The following RTTN variants were observed in gnomAD, a reference collection of about 807,000 sequenced individuals.
RTTN encodes rotatin.
In RTTN, 182 loss-of-function variants were observed where a neutral mutation model predicts 269.2. The ratio of observed to expected loss-of-function variants is 0.68; its 90% CI spans 0.60 to 0.76. The LOEUF is 0.76. RTTN is among the 30% of genes least tolerant of loss of function. RTTN has a pLI of 0.00. For synonymous variants in RTTN, 1,006 were observed against 963.5 expected (o/e 1.04, Z -0.82); for missense variants, 2,545 against 2,608.6 (o/e 0.98, Z 0.53).
At chr18:70,044,012 T>A (rs1171101515) in intron 40 of RTTN, among the ~76,000 whole-genome samples, 1 of 152,242 alleles carries the variant, frequency 6.6e-6, no homozygotes, top group Non-Finnish European at 1.5e-5. Flanking sequence ...AGACATAATG[T>A]CTTTTCATCA....
chr18:70,136,554 A>G (rs917988665), intron 21 of RTTN, among the ~76,000 whole-genome samples: 1 of 152,024 alleles, frequency 6.6e-6, no homozygotes, highest in African/African-American at 2.4e-5. Context: ...CAGGAAAATA[A>G]GTAATCCATA....
chr18:70,205,594 G>A (rs2062059596), intron 1 of RTTN, 34 bp downstream of exon 1: 2 of 1,613,714 alleles, frequency 1.2e-6, no homozygotes, highest in East Asian at 2.2e-5. Flanking sequence ...AGAGCGCGGG[G>A]GGTGCCTTGG....
At chr18:70,179,739 G>A (rs1167441780) in intron 10 of RTTN, among the ~76,000 whole-genome samples, 1 of 152,158 alleles carries the variant, frequency 6.6e-6, no homozygotes, top group Non-Finnish European at 1.5e-5. Context: ...CACTACCTCT[G>A]CAATATACAA....
chr18:70,177,320 A>C (rs1568519235), intron 10 of RTTN, among the ~76,000 whole-genome samples: 1 of 152,218 alleles, frequency 6.6e-6, no homozygotes, highest in Non-Finnish European at 1.5e-5. Flanking sequence ...CAACATTTCT[A>C]AAGAAATGCA....
At chr18:70,188,335 C>G (rs533122589) in intron 9 of RTTN, 112 bp from the exon 10 acceptor site, 21 of 636,542 alleles carry the variant, frequency 3.3e-5, no homozygotes, top group South Asian at 1.8e-4. Context: ...AACATTTTCT[C>G]TTTTTTTCTA....
At chr18:70,021,823 T>C (rs1215955880) in intron 44 of RTTN, among the ~76,000 whole-genome samples, 2 of 152,128 alleles carry the variant, frequency 1.3e-5, no homozygotes, top group Non-Finnish European at 2.9e-5. Flanking sequence ...ATCATCAGCA[T>C]CTGGCAGATT....
rs754561463 is a variant in RTTN, at chr18:70,017,642, T to C, written c.6186A>G (p.Ala2062=). The change falls in exon 46 of 49, where the codon GCA becomes GCG. Residue 2062 remains alanine, a synonymous_variant. Coordinates refer to ENST00000640769, the MANE Select transcript of RTTN (RefSeq NM_173630.4). ...SNFLQNFLSL[A]LPKGGNKHLS... ...GATGTTTATTTCCTCCTTTTGGCAA[T>C]GCTAGAGAGAGGAAGTTCTGTAAGA... 1 of 1,613,122 alleles carries C rather than the reference T, an allele frequency of 6.2e-7. No individual in the cohort carries two copies. The highest frequency in any genetic ancestry group is 1.3e-5 in the African/African-American group (1 of 74,892).
intron 26 of RTTN, among the ~76,000 whole-genome samples, chr18:70,120,505 T>A (rs1023596739): frequency 3.3e-5 from 5 of 152,190 alleles, no homozygotes; most frequent in Non-Finnish European, 5.9e-5. Context: ...TAATATATAA[T>A]GAAACATATT....
At chr18:70,083,460 GAAAC>G (rs1283673058) in intron 32 of RTTN, among the ~76,000 whole-genome samples, 1 of 151,964 alleles carries the variant, frequency 6.6e-6, no homozygotes, top group East Asian at 1.9e-4. Context: ...AGTCCTGTCA[GAAAC>G]AAACATTCTA....
At chr18:70,069,005 G>C (rs2058224095) in intron 34 of RTTN, among the ~76,000 whole-genome samples, 1 of 152,196 alleles carries the variant, frequency 6.6e-6, no homozygotes, top group Non-Finnish European at 1.5e-5. Context: ...ATGTTGCTAG[G>C]GGATAGGAGC....
chr18:70,205,607 G>C (rs370047422), intron 1 of RTTN, 21 bp downstream of exon 1: 1 of 1,613,904 alleles, frequency 6.2e-7, no homozygotes, highest in African/African-American at 1.3e-5. Flanking sequence ...TGCCTTGGGC[G>C]AGGGGCAAGC....
At chr18:70,097,347 CAAT>C (rs2059029333) in intron 28 of RTTN, among the ~76,000 whole-genome samples, 2 of 152,326 alleles carry the variant, frequency 1.3e-5, no homozygotes, top group South Asian at 4.1e-4. Context: ...TTTGGACCAA[CAAT>C]GACTTTGTTT....
chr18:70,151,036 G>A (rs2060523830), intron 14 of RTTN, among the ~76,000 whole-genome samples: 1 of 151,352 alleles, frequency 6.6e-6, no homozygotes, highest in Non-Finnish European at 1.5e-5. Flanking sequence ...AACACAGTAA[G>A]AAACTTATCC....
At chr18:70,174,293 C>T (rs2061229721) in intron 11 of RTTN, among the ~76,000 whole-genome samples, 1 of 152,100 alleles carries the variant, frequency 6.6e-6, no homozygotes, top group African/African-American at 2.4e-5. Flanking sequence ...GAGACACCAG[C>T]CTTAGGCACT....
chr18:70,086,717 A>AGTC, intron 31 of RTTN, 33 bp from the exon 32 acceptor site: 4 of 1,160,506 alleles, frequency 3.4e-6, no homozygotes, highest in East Asian at 2.7e-5. Flanking sequence ...AAAAAAAAAA[A>AGTC]AAAAAAAAAA....
At chr18:70,096,141 C>T (rs1370997946) in intron 28 of RTTN, among the ~76,000 whole-genome samples, 2 of 151,998 alleles carry the variant, frequency 1.3e-5, no homozygotes, top group Non-Finnish European at 2.9e-5. Flanking sequence ...TTTTTTTCAG[C>T]TCCATCAGGT....
At position 70,017,671 on chromosome 18, in the gene RTTN, T is replaced by C; in HGVS notation, c.6157A>G (p.Asn2053Asp). The change falls in exon 46 of 49, where the codon AAC (asparagine) becomes GAC (aspartate). Residue 2053 changes from asparagine (N) to aspartate (D), a missense_variant. Asn to Asp is a conservative substitution (Grantham distance 23). Coordinates refer to ENST00000640769, the MANE Select transcript of RTTN (RefSeq NM_173630.4). ...AGAGAGAGGAAGTTCTGTAAGAAGTTACTCTGTGGATAAATAGAGAGAATA... is the reference window on the plus strand; with the variant it reads ...AGAGAGAGGAAGTTCTGTAAGAAGTCACTCTGTGGATAAATAGAGAGAATA... ...HDCKGVIQKS[N>D]FLQNFLSLAL... 6.2e-7 allele frequency: 1 copy of C among 1,609,178 alleles called. No homozygotes were observed. The highest frequency in any genetic ancestry group is 1.1e-5 in the South Asian group (1 of 90,278).
At chr18:70,204,569 G>A (rs2062030051) in intron 2 of RTTN, among the ~76,000 whole-genome samples, 1 of 151,878 alleles carries the variant, frequency 6.6e-6, no homozygotes, top group Admixed American at 6.6e-5. Context: ...TCACCTTATG[G>A]TCCCAGCCCC....
chr18:70,109,646 G>A lies in RTTN; in HGVS notation c.3755C>T (p.Thr1252Met), dbSNP rs372916843. 18 of 1,613,922 alleles carry A rather than the reference G, an allele frequency of 1.1e-5. No homozygotes were observed. The highest frequency in any genetic ancestry group is 2.2e-5 in the South Asian group (2 of 91,066). The change falls in exon 28 of 49, where the codon ACG becomes ATG. Residue 1252 changes from threonine (T) to methionine (M), a missense_variant. Coordinates refer to ENST00000640769, the MANE Select transcript of RTTN (RefSeq NM_173630.4). ...CAGGCCATAGAAATGAGGCGCATCCGTCACTTTCAGACACTGGAGCAGTTT... is the reference window on the plus strand; with the variant it reads ...CAGGCCATAGAAATGAGGCGCATCCATCACTTTCAGACACTGGAGCAGTTT... ...ALKLLQCLKV[T>M]DAPHFYGLPS...
Sources: allele counts gnomAD v4.1 joint callset (sites outside exome capture counted in the v4.1 genomes callset), GRCh38; gene constraint gnomAD v4.1.1; transcripts MANE v1.5; gene names NCBI Gene and HGNC (gene_info 2026-07-23, HGNC 2026-07-21).